Variants in LRRC4C observed in about 807,000 individuals in gnomAD.
LRRC4C encodes the protein leucine rich repeat containing 4C.
A neutral mutation model predicts 33.6 loss-of-function variants in LRRC4C; 5 were observed. The observed-to-expected ratio is 0.15, with a 90% CI of 0.08 to 0.31. The LOEUF (loss-of-function observed/expected upper bound fraction) is 0.31, where lower values mean the gene tolerates loss of function less well. Among genes scored for constraint, LRRC4C ranks in the 10% least tolerant of loss-of-function variants. The pLI is 1.00. For synonymous variants in LRRC4C, 329 were observed against 302.0 expected, an observed-to-expected ratio of 1.09 and a Z score of -0.93; for missense variants, 560 against 796.7, an observed-to-expected ratio of 0.70 and a Z score of 3.58.
chr11:40,532,082 G>A (rs893164684), intron 3 of LRRC4C, among the ~76,000 whole-genome samples: 2 of 149,544 alleles, frequency 1.3e-5, no homozygotes, highest in African/African-American at 5.0e-5. Flanking sequence ...AGAAACCATT[G>A]CACTCGTAGT....
At chr11:41,133,846 A>T (rs1263565697) in intron 1 of LRRC4C, among the ~76,000 whole-genome samples, 7 of 152,282 alleles carry the variant, frequency 4.6e-5, no homozygotes. Context: ...CCTTTAAACA[A>T]CTGCAAATAA....
At chr11:40,320,232 G>A (rs1945772308) in intron 3 of LRRC4C, among the ~76,000 whole-genome samples, 1 of 152,132 alleles carries the variant, frequency 6.6e-6, no homozygotes, top group African/African-American at 2.4e-5. Context: ...ATGGCCGGGC[G>A]CGGTGGCTCA....
intron 3 of LRRC4C, among the ~76,000 whole-genome samples, chr11:40,535,171 T>C (rs1397719358): frequency 6.6e-6 from 1 of 152,180 alleles, no homozygotes; most frequent in Admixed American, 6.5e-5. Context: ...GATTTATTTC[T>C]AAGAAATTAA....
chr11:40,122,996 A>C (rs1419225810), intron 6 of LRRC4C, among the ~76,000 whole-genome samples: 2 of 135,580 alleles, frequency 1.5e-5, no homozygotes, highest in African/African-American at 5.5e-5. Context: ...CATATATACT[A>C]TTTTATCTGT....
chr11:41,169,251 A>G, intron 1 of LRRC4C, among the ~76,000 whole-genome samples: 1 of 152,176 alleles, frequency 6.6e-6, no homozygotes, highest in East Asian at 1.9e-4. Context: ...AGCATTGAGG[A>G]TAAGCAATTA....
At chr11:40,793,202 C>T (rs966532370) in intron 2 of LRRC4C, among the ~76,000 whole-genome samples, 7 of 151,762 alleles carry the variant, frequency 4.6e-5, no homozygotes, top group African/African-American at 1.7e-4. Flanking sequence ...ATGAAAAATG[C>T]CCTTGAGAAA....
intron 3 of LRRC4C, among the ~76,000 whole-genome samples, chr11:40,522,863 G>A (rs1036824509): frequency 3.3e-5 from 5 of 152,034 alleles, no homozygotes; most frequent in African/African-American, 1.2e-4. Flanking sequence ...ATCATGTTAC[G>A]GCATAGGTCC....
intron 4 of LRRC4C, among the ~76,000 whole-genome samples, chr11:40,261,860 G>A (rs565876376): frequency 2.3e-4 from 35 of 151,010 alleles, no homozygotes; most frequent in Admixed American, 6.0e-4. Context: ...AGACTTAAAC[G>A]TAAAACCATA....
intron 4 of LRRC4C, among the ~76,000 whole-genome samples, chr11:40,309,367 A>G (rs1007829816): frequency 1.3e-5 from 2 of 152,198 alleles, no homozygotes; most frequent in African/African-American, 4.8e-5. Flanking sequence ...AGGTTCATCT[A>G]TGCCATACCA....
chr11:40,961,888 G>A (rs367714663), intron 1 of LRRC4C, among the ~76,000 whole-genome samples: 4 of 151,606 alleles, frequency 2.6e-5, no homozygotes, highest in African/African-American at 9.7e-5. Flanking sequence ...AGGGTAGGGG[G>A]TGTTAAATTA....
intron 1 of LRRC4C, among the ~76,000 whole-genome samples, chr11:41,059,210 G>GTTTTTTTTTTTTTTTTTTTTTTT (rs397935483): frequency 8.0e-6 from 1 of 125,196 alleles, no homozygotes; most frequent in Non-Finnish European, 1.6e-5. Context: ...TAAAATAAAA[G>GTTTTTTTTTTTTTTTTTTTTTTT]TTTTTTTTTT....
At chr11:40,478,606 A>G (rs953818059) in intron 3 of LRRC4C, among the ~76,000 whole-genome samples, 1 of 152,184 alleles carries the variant, frequency 6.6e-6, no homozygotes, top group Non-Finnish European at 1.5e-5. Context: ...AGGTTGTTAC[A>G]TAGGTATACA....
At chr11:40,717,573 G>T (rs907400998) in intron 2 of LRRC4C, among the ~76,000 whole-genome samples, 2 of 151,868 alleles carry the variant, frequency 1.3e-5, no homozygotes, top group African/African-American at 4.8e-5. Context: ...TTTTGGGGGG[G>T]TACAGATTAG....
intron 1 of LRRC4C, among the ~76,000 whole-genome samples, chr11:41,204,190 C>T (rs774433409): frequency 4.6e-5 from 7 of 152,092 alleles, no homozygotes; most frequent in African/African-American, 7.2e-5. Context: ...AATAGAAGAG[C>T]CATGATGTAT....
chr11:40,572,489 G>A (rs1453676065), intron 3 of LRRC4C, among the ~76,000 whole-genome samples: 1 of 152,164 alleles, frequency 6.6e-6, no homozygotes, highest in Non-Finnish European at 1.5e-5. Context: ...CTACAAAAAA[G>A]GCAGTGGAGT....
At chr11:40,242,658 T>C (rs971327968) in intron 4 of LRRC4C, among the ~76,000 whole-genome samples, 1 of 152,144 alleles carries the variant, frequency 6.6e-6, no homozygotes, top group East Asian at 1.9e-4. Flanking sequence ...CATACACAAG[T>C]GAACCTGAAA....
At chr11:40,253,333 T>C (rs1162606752) in intron 4 of LRRC4C, among the ~76,000 whole-genome samples, 4 of 151,094 alleles carry the variant, frequency 2.6e-5, no homozygotes, top group Non-Finnish European at 5.9e-5. Flanking sequence ...CTCTTGCTTG[T>C]TTGTTTGTTT....
chr11:41,170,957 A>G (rs1413864081), intron 1 of LRRC4C, among the ~76,000 whole-genome samples: 5 of 152,186 alleles, frequency 3.3e-5, no homozygotes, highest in Non-Finnish European at 5.9e-5. Context: ...ATGAACAGAC[A>G]CTTCTCAAAA....
chr11:41,210,709 G>C (rs1946788791), intron 1 of LRRC4C, among the ~76,000 whole-genome samples: 1 of 152,108 alleles, frequency 6.6e-6, no homozygotes, highest in Non-Finnish European at 1.5e-5. Flanking sequence ...CCTAAGAACA[G>C]AGCCAAAACA....
Sources: gnomAD v4.1 joint callset for allele counts (sites outside exome capture counted in the v4.1 genomes callset) on GRCh38, gnomAD v4.1.1 for gene constraint, MANE v1.5 for transcripts, NCBI Gene and HGNC (gene_info 2026-07-23, HGNC 2026-07-21) for gene names.